CLPTM1: variants seen among roughly 807,000 people sequenced by gnomAD.
The protein encoded by CLPTM1 is putative lipid scramblase CLPTM1.
CLPTM1 carries 21 observed loss-of-function variants against 77.3 expected under a neutral mutation model. The observed-to-expected ratio is 0.27, with a 90% CI of 0.19 to 0.39. The LOEUF (loss-of-function observed/expected upper bound fraction) is 0.39. CLPTM1 is among the 10% of genes least tolerant of loss of function. The pLI is 1.00. For missense variants in CLPTM1, 642 were observed against 921.2 expected (o/e 0.70, Z 3.92); for synonymous variants, 373 against 381.0 (o/e 0.98, Z 0.24).
intron 2 of CLPTM1, 40 bp downstream of exon 2, chr19:44,962,115 C>A: frequency 8.1e-7 from 1 of 1,230,774 alleles, no homozygotes. Flanking sequence ...CGAAAACATT[C>A]AAATAAAAAT....
At chr19:44,956,632 C>G (rs914974599) in intron 1 of CLPTM1, among the ~76,000 whole-genome samples, 3 of 152,156 alleles carry the variant, frequency 2.0e-5, no homozygotes, top group African/African-American at 7.2e-5. Flanking sequence ...AATGAAGGCT[C>G]AGTTCCTGTC....
At chr19:44,980,238 G>T (rs1409111341) in intron 5 of CLPTM1, among the ~76,000 whole-genome samples, 3 of 152,132 alleles carry the variant, frequency 2.0e-5, no homozygotes, top group African/African-American at 7.2e-5. Context: ...GCTGGTTGTG[G>T]TGGCTCATGC....
chr19:44,988,521 G>A (rs1230943951), intron 9 of CLPTM1, among the ~76,000 whole-genome samples: 1 of 152,226 alleles, frequency 6.6e-6, no homozygotes, highest in Non-Finnish European at 1.5e-5. Flanking sequence ...GCGGGAGGCC[G>A]CTTAGGGCTG....
At chr19:44,955,300 G>A, upstream of CLPTM1, 2 of 1,437,366 alleles carry the variant, frequency 1.4e-6, no homozygotes, top group Non-Finnish European at 1.8e-6. Flanking sequence ...AGGGTGGCCC[G>A]GCGGGGCTAG....
At chr19:44,982,729 C>G (rs1001882005) in intron 5 of CLPTM1, among the ~76,000 whole-genome samples, 8 of 152,166 alleles carry the variant, frequency 5.3e-5, no homozygotes, top group African/African-American at 1.9e-4. Context: ...GGTTTCTCCC[C>G]CTGGACACAG....
chr19:44,990,745 A>G lies in CLPTM1; in HGVS notation c.1324-105A>G, dbSNP rs1971059469. On this transcript the variant is annotated intron_variant, in intron 10 of 13. Coordinates refer to ENST00000337392, the MANE Select transcript of CLPTM1 (RefSeq NM_001294.4). The surrounding 1 kb of genome is among the most constrained non-coding windows in gnomAD (Gnocchi z 4.8). ...CACCAGGGGATTTTTTGGGTCACAC[A>G]TGGGGCAGGGGAACTGGGAACGGTG... 2.5e-6 allele frequency: 3 copies of G among 1,218,510 alleles called. No homozygotes were observed. Among genetic ancestry groups the G allele is most frequent in the South Asian group, 2.5e-5 (2 of 79,536 alleles). The allele number at this position is 1,218,510 out of a possible 1,614,324, so 75.5% of individuals were successfully genotyped here.
chr19:44,984,125 G>A (rs945470676), intron 5 of CLPTM1, among the ~76,000 whole-genome samples: 1 of 152,234 alleles, frequency 6.6e-6, no homozygotes, highest in Non-Finnish European at 1.5e-5. Flanking sequence ...CCTGGCTGGG[G>A]ATTCACAGCC....
intron 5 of CLPTM1, among the ~76,000 whole-genome samples, chr19:44,983,814 T>C (rs1290186094): frequency 1.3e-5 from 2 of 151,374 alleles, no homozygotes; most frequent in Non-Finnish European, 2.9e-5. Context: ...TACAAAAAAT[T>C]AGCAGAGCCT....
intron 4 of CLPTM1, 23 bp downstream of exon 4, chr19:44,974,620 G>C (rs1156360286): frequency 6.2e-7 from 1 of 1,600,918 alleles, no homozygotes; most frequent in Non-Finnish European, 8.5e-7. Context: ...CTCGGTTTCT[G>C]GCCCCATGGC....
chr19:44,960,337 G>A (rs1461315007), intron 1 of CLPTM1, among the ~76,000 whole-genome samples: 3 of 152,106 alleles, frequency 2.0e-5, no homozygotes, highest in African/African-American at 4.8e-5. Flanking sequence ...CCTGTTTACC[G>A]TTCTAGTGTG....
In CLPTM1 at chr19:44,991,395, G is replaced by A. The variant is rs367995031; in HGVS notation, c.1555+22G>A. 81 of 1,606,306 alleles carry A rather than the reference G, an allele frequency of 5.0e-5. No individual in the cohort carries two copies. Among genetic ancestry groups the A allele is most frequent in the Admixed American group, 8.3e-5 (5 of 59,956 alleles). ...TTCGGTGAGCGGTCCGGCCGCCCCAGGAGAGAGCAGGCCCCATGCTGCGCA... is the reference window on the plus strand; with the variant it reads ...TTCGGTGAGCGGTCCGGCCGCCCCAAGAGAGAGCAGGCCCCATGCTGCGCA... On this transcript the variant is annotated intron_variant, in intron 12 of 13. Coordinates refer to ENST00000337392, the MANE Select transcript of CLPTM1 (RefSeq NM_001294.4). The surrounding 1 kb of genome is among the most constrained non-coding windows in gnomAD (Gnocchi z 5.4).
In CLPTM1 at chr19:44,961,994, C is replaced by T. The variant is rs368725337; in HGVS notation, c.104C>T (p.Pro35Leu). The change falls in exon 2 of 14, where the codon CCG (proline) becomes CTG (leucine). Residue 35 changes from proline to leucine, a missense_variant. Pro to Leu is a moderately conservative substitution (Grantham distance 98). Around this residue, in one of 2 missense-constraint regions of CLPTM1, gnomAD observed 121 missense variants for 120.8 expected, o/e 1.00. Coordinates refer to ENST00000337392, the MANE Select transcript of CLPTM1 (RefSeq NM_001294.4). ...AGCAATGGCAGCATCGGGAGGGACC[C>T]GCCAGCGGAGACCCAGCCTCAGAAC... The part of the protein sequence containing the change: ...VTSNGSIGRD[P>L]PAETQPQNPP... 1.3e-5 allele frequency: 21 copies of T among 1,609,764 alleles called. No individual in the cohort carries two copies. The highest frequency in any genetic ancestry group is 1.5e-5 in the Non-Finnish European group (18 of 1,178,686).
chr19:44,955,430 G>A lies in CLPTM1; in HGVS notation c.35G>A (p.Ser12Asn), dbSNP rs1210527843. The A allele has an allele frequency of 1.5e-6, 2 of 1,339,140 alleles. No homozygotes were observed. 83.0% of individuals were successfully genotyped at this position (1,339,140 alleles called of 1,614,324 possible). A position where few individuals can be genotyped will look rare whatever the true frequency, so the allele number is the denominator to read the frequency against. ...GCGCAGGAGGCGGACGGGGCCCGCA[G>A]CGCCGTGGTGGCGGCCGGGGGAGGC... ...AAAQEADGARSAVVAAGGGSS... is the reference protein window; with the variant it reads ...AAAQEADGARNAVVAAGGGSS... Residue 12 changes from serine to asparagine, a missense_variant, in exon 1 of 14, where the codon AGC becomes AAC. Coordinates refer to ENST00000337392, the MANE Select transcript of CLPTM1 (RefSeq NM_001294.4).
intron 1 of CLPTM1, among the ~76,000 whole-genome samples, chr19:44,957,499 C>T (rs1237862021): frequency 2.0e-5 from 3 of 152,266 alleles, no homozygotes; most frequent in African/African-American, 7.2e-5. Context: ...GTGGAATTCC[C>T]TGATGCCGTG....
chr19:44,959,828 T>G (rs2122234424), intron 1 of CLPTM1, among the ~76,000 whole-genome samples: 1 of 152,330 alleles, frequency 6.6e-6, no homozygotes, highest in South Asian at 2.1e-4. Flanking sequence ...CTGCCAGCAC[T>G]TGTGATTGTC....
At chr19:44,987,089 G>A in intron 7 of CLPTM1, 90 bp from the exon 8 acceptor site, 8 of 1,471,016 alleles carry the variant, frequency 5.4e-6, no homozygotes, top group South Asian at 1.3e-5. Flanking sequence ...CTGTAGAGGG[G>A]CCCTGTTGGG....
At chr19:44,973,307 T>C in intron 3 of CLPTM1, 97 bp downstream of exon 3, 1 of 1,533,310 alleles carries the variant, frequency 6.5e-7, no homozygotes, top group Non-Finnish European at 8.9e-7. Context: ...GACCAGGTCC[T>C]TGCTCACTGG....
Position 44,977,442 on chromosome 19 carries a change from A to G in CLPTM1, c.568A>G (p.Thr190Ala). The G allele has an allele frequency of 6.2e-7, 1 of 1,607,052 alleles. No individual in the cohort carries two copies. Among genetic ancestry groups the G allele is most frequent in the Non-Finnish European group, 8.5e-7 (1 of 1,179,516 alleles). The change falls in exon 5 of 14, where the codon ACA (threonine) becomes GCA (alanine). Residue 190 changes from threonine to alanine, a missense_variant. Coordinates refer to ENST00000337392, the MANE Select transcript of CLPTM1 (RefSeq NM_001294.4). ...GAAGGCCCTGTACCGCCGGCTTGCC[A>G]CAGTCCACATGTCCCGGAGTAAGTC... ...RQKALYRRLA[T>A]VHMSRMINKY...
At chr19:44,955,006 A>C (rs751966326), upstream of CLPTM1, 34 of 1,535,698 alleles carry the variant, frequency 2.2e-5, no homozygotes, top group South Asian at 3.5e-4. Flanking sequence ...AAAGCTCAAG[A>C]AACATGGAAC....
Sources: allele counts gnomAD v4.1 joint callset (sites outside exome capture counted in the v4.1 genomes callset), GRCh38; gene constraint gnomAD v4.1.1; regional missense constraint gnomAD v4.1.1; non-coding constraint Gnocchi (gnomAD v3.1); transcripts MANE v1.5; gene names NCBI Gene and HGNC (gene_info 2026-07-23, HGNC 2026-07-21).